Variants in TNR observed in about 807,000 individuals in gnomAD.
TNR encodes the protein tenascin R.
A neutral mutation model predicts 150.4 loss-of-function variants in TNR; 45 were observed. That is an observed-to-expected ratio of 0.30 (90% CI 0.24 to 0.38). The LOEUF (loss-of-function observed/expected upper bound fraction) is 0.38, where lower values mean the gene tolerates loss of function less well. Ranked by LOEUF, TNR falls within the 10% of genes least tolerant of loss-of-function variation. TNR has a pLI of 1.00. For synonymous variants in TNR, 687 were observed against 678.4 expected, an observed-to-expected ratio of 1.01 and a Z score of -0.20; for missense variants, 1,544 against 1,759.1, an observed-to-expected ratio of 0.88 and a Z score of 2.19.
At chr1:175,500,072 C>G (rs1658667280) in intron 2 of TNR, among the ~76,000 whole-genome samples, 1 of 152,242 alleles carries the variant, frequency 6.6e-6, no homozygotes, top group Non-Finnish European at 1.5e-5. Flanking sequence ...AAGCCTCAGT[C>G]TACTTGAGAC....
intron 2 of TNR, among the ~76,000 whole-genome samples, chr1:175,444,917 C>G (rs1655970205): frequency 1.3e-5 from 2 of 152,082 alleles, no homozygotes; most frequent in South Asian, 4.1e-4. Flanking sequence ...GAGTGGGGAG[C>G]GAATCTGACG....
At chr1:175,332,318 T>A (rs924788312) in intron 20 of TNR, among the ~76,000 whole-genome samples, 1 of 152,230 alleles carries the variant, frequency 6.6e-6, no homozygotes, top group South Asian at 2.1e-4. Context: ...GGGATCACAC[T>A]GAAGTGAGTC....
chr1:175,432,151 T>C (rs1442767986), intron 2 of TNR, among the ~76,000 whole-genome samples: 1 of 152,128 alleles, frequency 6.6e-6, no homozygotes, highest in Non-Finnish European at 1.5e-5. Context: ...GAGGACAATC[T>C]GTCCCAGAGG....
At chr1:175,737,149 C>T (rs867763834) in intron 1 of TNR, among the ~76,000 whole-genome samples, 31 of 152,192 alleles carry the variant, frequency 2.0e-4, no homozygotes, top group African/African-American at 6.3e-4. Flanking sequence ...TGGGCAAGCA[C>T]GTTAGCCTCT....
At chr1:175,588,579 C>T (rs1662671077) in intron 1 of TNR, among the ~76,000 whole-genome samples, 1 of 151,922 alleles carries the variant, frequency 6.6e-6, no homozygotes, top group Non-Finnish European at 1.5e-5. Context: ...TAAAATAAAT[C>T]CTATACAGGT....
At chr1:175,724,815 G>A (rs980925613) in intron 1 of TNR, among the ~76,000 whole-genome samples, 1 of 152,170 alleles carries the variant, frequency 6.6e-6, no homozygotes, top group East Asian at 1.9e-4. Context: ...GGGCATCTCA[G>A]CTGAGATCTT....
intron 1 of TNR, among the ~76,000 whole-genome samples, chr1:175,611,968 T>A (rs886462329): frequency 6.6e-6 from 1 of 152,238 alleles, no homozygotes; most frequent in Non-Finnish European, 1.5e-5. Flanking sequence ...TTTCCTTTTT[T>A]TAATCAAATA....
intron 1 of TNR, among the ~76,000 whole-genome samples, chr1:175,659,040 C>T (rs1441857222): frequency 6.6e-6 from 1 of 152,170 alleles, no homozygotes; most frequent in East Asian, 1.9e-4. Context: ...GGGTGGAAGC[C>T]ACCTCTGCCA....
chr1:175,570,006 T>C (rs1373491180), intron 1 of TNR, among the ~76,000 whole-genome samples: 9 of 152,254 alleles, frequency 5.9e-5, no homozygotes, highest in Non-Finnish European at 8.8e-5. Flanking sequence ...CAAGACCTTA[T>C]GCATCCTACC....
chr1:175,680,538 G>C (rs552680584), intron 1 of TNR, among the ~76,000 whole-genome samples: 2 of 152,258 alleles, frequency 1.3e-5, no homozygotes, highest in African/African-American at 4.8e-5. Flanking sequence ...GTGTGCCATC[G>C]GAGTAGAGAG....
intron 2 of TNR, among the ~76,000 whole-genome samples, chr1:175,507,508 A>T (rs1659007072): frequency 6.6e-6 from 1 of 152,068 alleles, no homozygotes; most frequent in African/African-American, 2.4e-5. Flanking sequence ...GGCTGTTGAT[A>T]GCCCTTGCTT....
chr1:175,503,886 G>C (rs1172016388), intron 2 of TNR, among the ~76,000 whole-genome samples: 3 of 152,196 alleles, frequency 2.0e-5, no homozygotes, highest in Admixed American at 6.5e-5. Context: ...AGCCTGCAGG[G>C]AATCGAAGCC....
At chr1:175,371,917 T>A (rs115521149) in intron 9 of TNR, among the ~76,000 whole-genome samples, 2,116 of 152,286 alleles carry the variant, frequency 0.014, 40 homozygotes, top group African/African-American at 0.048. Context: ...TGTTATAGTT[T>A]GGATGCTTGT....
chr1:175,321,465 G>A lies in TNR; in HGVS notation c.*1892C>T, dbSNP rs1649046561. ...CTCATCCAGTAACTGGTTGGCAAAGGTACACACTGCTCTGGTCAGACAAAC... is the reference window on the plus strand; with the variant it reads ...CTCATCCAGTAACTGGTTGGCAAAGATACACACTGCTCTGGTCAGACAAAC... On this transcript the variant is annotated 3_prime_UTR_variant, in exon 23 of 23. Transcript: ENST00000367674. 1.3e-5 allele frequency: 2 copies of A among 152,266 alleles called. No homozygotes were observed. Among genetic ancestry groups the A allele is most frequent in the African/African-American group, 4.8e-5 (2 of 41,424 alleles). 9.4% of individuals were successfully genotyped at this position (152,266 alleles called of 1,614,324 possible).
At chr1:175,611,936 C>A (rs7546740) in intron 1 of TNR, among the ~76,000 whole-genome samples, 25,097 of 152,072 alleles carry the variant, frequency 0.17, 3,594 homozygotes, top group African/African-American at 0.39. Context: ...AACAAAGAAC[C>A]GACAAGTAAC....
intron 2 of TNR, among the ~76,000 whole-genome samples, chr1:175,467,285 A>G (rs1657077327): frequency 6.6e-6 from 1 of 152,032 alleles, no homozygotes. Flanking sequence ...CACCTCTCCC[A>G]CCCCACCAGC....
chr1:175,456,826 A>G (rs1229510952), intron 2 of TNR, among the ~76,000 whole-genome samples: 1 of 152,218 alleles, frequency 6.6e-6, no homozygotes, highest in Non-Finnish European at 1.5e-5. Flanking sequence ...ATCTTAAAAA[A>G]GTTGAAATGA....
chr1:175,420,818 G>A (rs1343928089), intron 2 of TNR, among the ~76,000 whole-genome samples: 1 of 152,068 alleles, frequency 6.6e-6, no homozygotes, highest in Non-Finnish European at 1.5e-5. Context: ...GTGCTCTGAG[G>A]GTAATGTATG....
At chr1:175,713,369 G>A (rs1180675619) in intron 1 of TNR, among the ~76,000 whole-genome samples, 2 of 152,008 alleles carry the variant, frequency 1.3e-5, no homozygotes, top group Admixed American at 6.6e-5. Flanking sequence ...CCCATTTATC[G>A]GGCATACTTG....
Sources: allele counts gnomAD v4.1 joint callset (sites outside exome capture counted in the v4.1 genomes callset), GRCh38; gene constraint gnomAD v4.1.1; transcripts MANE v1.5; gene names NCBI Gene and HGNC (gene_info 2026-07-23, HGNC 2026-07-21).